PLXNA2: variants seen among roughly 807,000 people sequenced by gnomAD.
PLXNA2 encodes plexin A2, also known as plexin-A2.
A neutral mutation model predicts 193.5 loss-of-function variants in PLXNA2; 91 were observed. That is an observed-to-expected ratio of 0.47 (90% CI 0.40 to 0.56). The LOEUF (loss-of-function observed/expected upper bound fraction) is 0.56, where lower values mean the gene tolerates loss of function less well. Ranked by LOEUF, PLXNA2 falls within the 20% of genes least tolerant of loss-of-function variation. The pLI is 0.00. For synonymous variants in PLXNA2, 997 were observed against 1,027.3 expected (o/e 0.97, Z 0.56); for missense variants, 1,995 against 2,503.2 (o/e 0.80, Z 4.33).
rs985432475 is a variant in PLXNA2, at chr1:208,022,944, A to G, written c.*4299T>C. 2 of 152,208 alleles carry G rather than the reference A, an allele frequency of 1.3e-5. No homozygotes were observed. Among genetic ancestry groups the G allele is most frequent in the Admixed American group, 6.5e-5 (1 of 15,282 alleles). 9.4% of individuals were successfully genotyped at this position (152,208 alleles called of 1,614,324 possible). ...GTGTCTCAGGACTTTCCCTAGCACTAGTTAGAAAATACCAAGAGTGAAACT... is the reference window on the plus strand; with the variant it reads ...GTGTCTCAGGACTTTCCCTAGCACTGGTTAGAAAATACCAAGAGTGAAACT... On this transcript the variant is annotated 3_prime_UTR_variant, in exon 32 of 32. Transcript: ENST00000367033.
At chr1:208,164,567 G>T (rs1243261912) in intron 3 of PLXNA2, among the ~76,000 whole-genome samples, 4 of 152,226 alleles carry the variant, frequency 2.6e-5, no homozygotes, top group African/African-American at 7.2e-5. Flanking sequence ...GAAGATGAAA[G>T]TATCTGATAC....
At chr1:208,108,669 C>T (rs902924957) in intron 4 of PLXNA2, among the ~76,000 whole-genome samples, 2 of 152,240 alleles carry the variant, frequency 1.3e-5, no homozygotes, top group African/African-American at 2.4e-5. Context: ...TAAACATCTA[C>T]TGAGCACTTA....
At chr1:208,049,540 A>G (rs1290006807) in intron 17 of PLXNA2, among the ~76,000 whole-genome samples, 1 of 152,176 alleles carries the variant, frequency 6.6e-6, no homozygotes, top group Non-Finnish European at 1.5e-5. Flanking sequence ...AAGGTGTGGT[A>G]CAAGTGCTCC....
At chr1:208,156,205 C>A (rs375437119) in intron 3 of PLXNA2, among the ~76,000 whole-genome samples, 5 of 152,300 alleles carry the variant, frequency 3.3e-5, no homozygotes, top group African/African-American at 1.2e-4. Context: ...TGGAATATTT[C>A]CAGTTCAGCT....
chr1:208,161,500 T>A (rs1311987110), intron 3 of PLXNA2, among the ~76,000 whole-genome samples: 1 of 152,120 alleles, frequency 6.6e-6, no homozygotes, highest in Admixed American at 6.5e-5. Flanking sequence ...TTAAAAACAG[T>A]CCTGAAATGT....
At chr1:208,064,520 G>A (rs1367683638) in intron 12 of PLXNA2, among the ~76,000 whole-genome samples, 1 of 152,094 alleles carries the variant, frequency 6.6e-6, no homozygotes, top group Non-Finnish European at 1.5e-5. Context: ...AAAAATCCCT[G>A]AGCCTTTGGA....
chr1:208,108,472 C>T lies in PLXNA2; in HGVS notation c.1507-5225G>A, dbSNP rs577741117. On this transcript the variant is annotated intron_variant, in intron 4 of 31. Coordinates refer to ENST00000367033, the MANE Select transcript of PLXNA2 (RefSeq NM_025179.4). ...TCCCAATGGTAGGCATAAGAACAAG[C>T]GCCCTTTGCCAAGTGAGCCTGGGGA... is the stretch of plus-strand genomic sequence containing the variant. Among the ~76,000 whole-genome samples, 23 of 152,300 alleles carry T rather than the reference C, an allele frequency of 1.5e-4. No individual in the cohort carries two copies. The South Asian group carries it at 1.9e-3, about 12-fold the overall frequency.
chr1:208,185,766 G>A (rs1892286), intron 3 of PLXNA2, among the ~76,000 whole-genome samples: 55,131 of 146,576 alleles, frequency 0.38, 10,645 homozygotes, highest in Middle Eastern at 0.45. Flanking sequence ...TCTTAAGAGA[G>A]TAATAAGCTT....
intron 9 of PLXNA2, 43 bp from the exon 10 acceptor site, chr1:208,084,623 G>A (rs770470169): frequency 1.3e-6 from 2 of 1,585,266 alleles, no homozygotes; most frequent in East Asian, 2.2e-5. Context: ...CCCTGTTCAT[G>A]CTGTCCTATG....
At chr1:208,096,285 A>C (rs1353141612) in intron 7 of PLXNA2, among the ~76,000 whole-genome samples, 160 bp from the exon 8 acceptor site, 4 of 152,182 alleles carry the variant, frequency 2.6e-5, no homozygotes, top group African/African-American at 9.7e-5. Context: ...CCTCCCAAGG[A>C]AGCCTCTTTG....
In PLXNA2 at chr1:208,217,320, C is replaced by T. The variant is rs753629241; in HGVS notation, c.603G>A (p.Arg201=). 6.2e-7 allele frequency: 1 copy of T among 1,614,106 alleles called. No homozygotes were observed. Among genetic ancestry groups the T allele is most frequent in the South Asian group, 1.1e-5 (1 of 91,076 alleles). ...KQDYFPTLSS[R]KLPRDPESSA... ...AGGACTCAGGGTCTCGGGGCAGCTT[C>T]CGGCTGGACAGGGTCGGGAAGTAAT... The change falls in exon 2 of 32, where the codon CGG becomes CGA. Residue 201 remains arginine, a synonymous_variant. Coordinates refer to ENST00000367033, the MANE Select transcript of PLXNA2 (RefSeq NM_025179.4). This position sits in a 1 kb window ranked among gnomAD's most constrained non-coding sequence, Gnocchi z 4.7.
intron 28 of PLXNA2, 150 bp from the exon 29 acceptor site, chr1:208,031,909 C>T (rs925039187): frequency 7.6e-7 from 1 of 1,311,350 alleles, no homozygotes; most frequent in South Asian, 1.6e-5. Context: ...GGGAAGGGTA[C>T]TATTGGTTAG....
chr1:208,145,402 C>G (rs1668574984), intron 3 of PLXNA2, among the ~76,000 whole-genome samples: 1 of 152,240 alleles, frequency 6.6e-6, no homozygotes, highest in Non-Finnish European at 1.5e-5. Context: ...GGTCTGGGAT[C>G]TCCTGCCCCA....
chr1:208,025,042 AAT>A lies in PLXNA2; in HGVS notation c.*2199_*2200del, dbSNP rs1231267993. The A allele has an allele frequency of 1.7e-4, 26 of 152,644 alleles. No homozygotes were observed. Among genetic ancestry groups the A allele is most frequent in the Non-Finnish European group, 1.6e-4 (11 of 68,040 alleles). The allele number at this position is 152,644 out of a possible 1,614,324, so 9.5% of individuals were successfully genotyped here. A position where few individuals can be genotyped will look rare whatever the true frequency, so the allele number is the denominator to read the frequency against. ...TCATTAGTATTTCCTTCAGGCTACT[AAT>A]AGGGCCTGAGAAACTTTAAAGAAGT... On this transcript the variant is annotated 3_prime_UTR_variant, in exon 32 of 32. Transcript: ENST00000367033.
intron 4 of PLXNA2, among the ~76,000 whole-genome samples, chr1:208,105,921 G>T (rs1281253836): frequency 6.6e-6 from 1 of 152,184 alleles, no homozygotes; most frequent in Non-Finnish European, 1.5e-5. Context: ...CTCAGCAGCT[G>T]GGAAAAGGGG....
intron 5 of PLXNA2, 152 bp from the exon 6 acceptor site, chr1:208,099,121 ACT>A (rs2102412549): frequency 2.3e-6 from 2 of 881,124 alleles, no homozygotes; most frequent in Non-Finnish European, 1.7e-6. Context: ...GGCCTTGGTG[ACT>A]CTCAGACAGT....
At chr1:208,064,755 G>T (rs1323725560) in intron 12 of PLXNA2, among the ~76,000 whole-genome samples, 1 of 152,188 alleles carries the variant, frequency 6.6e-6, no homozygotes, top group Admixed American at 6.5e-5. Flanking sequence ...CAAGGATTCG[G>T]AGATGGCCAG....
intron 1 of PLXNA2, among the ~76,000 whole-genome samples, chr1:208,239,296 T>G (rs146022372): frequency 2.1e-3 from 314 of 152,268 alleles, no homozygotes; most frequent in Non-Finnish European, 3.7e-3. Context: ...GAAAACCCCC[T>G]TCTGCCTGCA....
At chr1:208,066,731 G>A (rs981727705) in intron 12 of PLXNA2, among the ~76,000 whole-genome samples, 3 of 152,132 alleles carry the variant, frequency 2.0e-5, no homozygotes, top group Non-Finnish European at 4.4e-5. Flanking sequence ...AGAAGGCATT[G>A]TCATCATAGG....
Sources: gnomAD v4.1 joint callset for allele counts (sites outside exome capture counted in the v4.1 genomes callset) on GRCh38, gnomAD v4.1.1 for gene constraint, Gnocchi (gnomAD v3.1) non-coding constraint, MANE v1.5 for transcripts, NCBI Gene and HGNC (gene_info 2026-07-23, HGNC 2026-07-21) for gene names.